LAMC1: variants seen among roughly 807,000 people sequenced by gnomAD.
LAMC1 encodes laminin subunit gamma 1.
A neutral mutation model predicts 173.6 loss-of-function variants in LAMC1; 38 were observed. The observed-to-expected ratio is 0.22, with a 90% CI of 0.17 to 0.29. The LOEUF (loss-of-function observed/expected upper bound fraction) is 0.29. Ranked by LOEUF, LAMC1 falls within the 10% of genes least tolerant of loss-of-function variation. The pLI, the probability that LAMC1 is intolerant of heterozygous loss-of-function variation, is 1.00. For synonymous variants in LAMC1, 746 were observed against 749.1 expected, an observed-to-expected ratio of 1.00 and a Z score of 0.07; for missense variants, 1,824 against 2,051.8, an observed-to-expected ratio of 0.89 and a Z score of 2.14.
intron 1 of LAMC1, among the ~76,000 whole-genome samples, chr1:183,087,201 G>A (rs1477770240): frequency 6.6e-6 from 1 of 152,104 alleles, no homozygotes; most frequent in Non-Finnish European, 1.5e-5. Flanking sequence ...GTAAATTTCA[G>A]GGTATGTTTG....
In LAMC1 at chr1:183,137,749, G is replaced by A; in HGVS notation, c.4395G>A (p.Leu1465=). 6.2e-7 allele frequency: 1 copy of A among 1,612,298 alleles called. No individual in the cohort carries two copies. The stretch of plus-strand genomic sequence containing the variant: ...TGGATAATGAGGTGAACAATATGTT[G>A]AAGCAACTGCAGGAAGCAGAAAAAG... ...TDLDNEVNNM[L]KQLQEAEKEL... is the part of the protein sequence containing the mutation. Residue 1465 remains leucine, a synonymous_variant, in exon 26 of 28, where the codon TTG becomes TTA. Transcript: ENST00000258341.
At chr1:183,083,693 A>G (rs575049553) in intron 1 of LAMC1, among the ~76,000 whole-genome samples, 21 of 152,358 alleles carry the variant, frequency 1.4e-4, no homozygotes, top group African/African-American at 4.8e-4. Flanking sequence ...TATATTTAAA[A>G]TATTTATTCA....
chr1:183,049,099 T>TA (rs1420256439), intron 1 of LAMC1, among the ~76,000 whole-genome samples: 4 of 152,216 alleles, frequency 2.6e-5, no homozygotes, highest in African/African-American at 9.6e-5. Context: ...TTCCCACTCT[T>TA]ATAGAAGAAA....
chr1:183,086,840 A>AG (rs2102055583), intron 1 of LAMC1, among the ~76,000 whole-genome samples: 1 of 152,346 alleles, frequency 6.6e-6, no homozygotes, highest in South Asian at 2.1e-4. Flanking sequence ...TCTTTGCAAA[A>AG]TCAGTTCCTG....
chr1:183,080,321 C>G lies in LAMC1; in HGVS notation c.419-23007C>G, dbSNP rs569899623. 9.8e-5 allele frequency among the ~76,000 whole-genome samples: 15 copies of G among 152,314 alleles called. No homozygotes were observed. In the South Asian group the frequency reaches 3.1e-3, roughly 32 times the overall value. ...AGTGCTGTTTAAGTTATCACAGTTT[C>G]TAGGCTGTGTCCTTCATCATTGATT... is the stretch of plus-strand genomic sequence containing the variant. On this transcript the variant is annotated intron_variant, in intron 1 of 27. Transcript: ENST00000258341.
rs779442083 is a variant in LAMC1, at chr1:183,122,154, C to A, written c.2304C>A (p.Ser768=). 1.2e-6 allele frequency: 2 copies of A among 1,614,066 alleles called. No homozygotes were observed. Among genetic ancestry groups the A allele is most frequent in the Non-Finnish European group, 1.7e-6 (2 of 1,180,034 alleles). Residue 768 remains serine (S), a synonymous_variant, in exon 13 of 28, where the codon TCC becomes TCA. Coordinates refer to ENST00000258341, the MANE Select transcript of LAMC1 (RefSeq NM_002293.4). ...GAGATTCAACTGCAGGCACCTCCTCCGATTGCCAACCCTGTCCGTGTCCTG... is the reference window on the plus strand; with the variant it reads ...GAGATTCAACTGCAGGCACCTCCTCAGATTGCCAACCCTGTCCGTGTCCTG... ...YYGDSTAGTS[S]DCQPCPCPGG...
At chr1:183,042,537 C>T (rs1226790625) in intron 1 of LAMC1, among the ~76,000 whole-genome samples, 1 of 152,124 alleles carries the variant, frequency 6.6e-6, no homozygotes, top group African/African-American at 2.4e-5. Context: ...TCTGCCATGC[C>T]AACTCCTGTG....
chr1:183,128,721 A>G lies in LAMC1; in HGVS notation c.3251A>G (p.Asp1084Gly). Reference protein sequence around the residue: ...RLKEAEREVMDLLREAQDVKD... With the variant: ...RLKEAEREVMGLLREAQDVKD... The stretch of plus-strand genomic sequence containing the variant: ...AAGGAAGCAGAGAGGGAAGTTATGG[A>G]CCTCCTTCGTGAGGCCCAGGATGTC... Residue 1084 changes from aspartate (D) to glycine (G), a missense_variant, in exon 18 of 28, where the codon GAC becomes GGC. Physicochemically the swap from Asp to Gly is moderately conservative, Grantham distance 94. Transcript: ENST00000258341. The G allele has an allele frequency of 6.2e-7, 1 of 1,612,406 alleles. No individual in the cohort carries two copies. Among genetic ancestry groups the G allele is most frequent in the Admixed American group, 1.7e-5 (1 of 59,946 alleles).
chr1:183,054,672 T>G lies in LAMC1; in HGVS notation c.418+30538T>G, dbSNP rs573471501. On this transcript the variant is annotated intron_variant, in intron 1 of 27. Transcript: ENST00000258341. ...CTTCTCAGCCTGAAGTTTACTTAGG[T>G]GAAAAACAGGACATTTTATTTCTTT... 1.6e-4 allele frequency among the ~76,000 whole-genome samples: 24 copies of G among 152,300 alleles called. 1 individual carries two copies. In the South Asian group the frequency reaches 5.0e-3, roughly 32 times the overall value.
At chr1:183,039,270 G>T (rs1181501910) in intron 1 of LAMC1, among the ~76,000 whole-genome samples, 5 of 149,492 alleles carry the variant, frequency 3.3e-5, no homozygotes. Flanking sequence ...TTGTGGTGGG[G>T]TCGGGGGAGG....
intron 11 of LAMC1, among the ~76,000 whole-genome samples, chr1:183,120,200 G>T (rs1571453833): frequency 1.3e-5 from 2 of 151,608 alleles, no homozygotes; most frequent in South Asian, 2.1e-4. Context: ...AGGTGGCGGG[G>T]TGGTGTTGAA....
rs183003771 is a variant in LAMC1, at chr1:183,128,210, C to A, written c.3124-384C>A. Reference sequence around the variant, plus strand: ...ATCAGAGAGCTGAGTGGAGGTATCACGAAGGTAATCTGACACTCAAGGGAG... The same window carrying A: ...ATCAGAGAGCTGAGTGGAGGTATCAAGAAGGTAATCTGACACTCAAGGGAG... On this transcript the variant is annotated intron_variant, in intron 17 of 27. Transcript: ENST00000258341. Among the ~76,000 whole-genome samples, 62 of 152,164 alleles carry A rather than the reference C, an allele frequency of 4.1e-4. 2 individuals are homozygous for A. Among genetic ancestry groups the A allele is most frequent in the Middle Eastern group, 3.4e-3 (1 of 294 alleles).
At chr1:183,125,837 C>T (rs962829687) in intron 15 of LAMC1, among the ~76,000 whole-genome samples, 1 of 152,144 alleles carries the variant, frequency 6.6e-6, no homozygotes, top group Non-Finnish European at 1.5e-5. Context: ...AGGGTTGCAG[C>T]CTGGGAACTT....
chr1:183,142,754 T>C lies in LAMC1; in HGVS notation c.4794T>C (p.Ser1598=). 6.2e-7 allele frequency: 1 copy of C among 1,613,830 alleles called. No homozygotes were observed. The highest frequency in any genetic ancestry group is 8.5e-7 in the Non-Finnish European group (1 of 1,179,834). The stretch of plus-strand genomic sequence containing the variant: ...AGGACATCAGGAAGACCTTACCATC[T>C]GGCTGCTTCAACACCCCGTCCATTG... The part of the protein sequence containing the change: ...NLEDIRKTLP[S]GCFNTPSIEK... The change falls in exon 28 of 28, where the codon TCT becomes TCC. Residue 1598 remains serine (S), a synonymous_variant. Coordinates refer to ENST00000258341, the MANE Select transcript of LAMC1 (RefSeq NM_002293.4).
intron 1 of LAMC1, among the ~76,000 whole-genome samples, chr1:183,100,685 C>G (rs937809019): frequency 3.3e-5 from 5 of 152,152 alleles, no homozygotes; most frequent in African/African-American, 7.2e-5. Context: ...ATGTACTTCC[C>G]CTGTCATGGA....
At chr1:183,135,355 T>C (rs1330019130) in intron 24 of LAMC1, among the ~76,000 whole-genome samples, 199 bp downstream of exon 24, 1 of 152,164 alleles carries the variant, frequency 6.6e-6, no homozygotes, top group Non-Finnish European at 1.5e-5. Context: ...TTAAAGATGT[T>C]TTCTTATTAG....
chr1:183,094,240 A>G (rs2102061928), intron 1 of LAMC1, among the ~76,000 whole-genome samples: 1 of 152,066 alleles, frequency 6.6e-6, no homozygotes, highest in Non-Finnish European at 1.5e-5. Context: ...TGCTCTTCCC[A>G]TTCCTGGAAT....
At position 183,086,973 on chromosome 1, in the gene LAMC1, G is replaced by C. The variant is rs531077756; in HGVS notation, c.419-16355G>C. Among the ~76,000 whole-genome samples, 5 of 152,280 alleles carry C rather than the reference G, an allele frequency of 3.3e-5. No homozygotes were observed. In the South Asian group the frequency reaches 8.3e-4, roughly 25 times the overall value. ...GGTAGAGTCAAGCTCTTTGGAGCTA[G>C]ATGTATACATTAAAGTTCATCTTGT... On this transcript the variant is annotated intron_variant, in intron 1 of 27. Coordinates refer to ENST00000258341, the MANE Select transcript of LAMC1 (RefSeq NM_002293.4).
chr1:183,142,728 G>A lies in LAMC1; in HGVS notation c.4768G>A (p.Glu1590Lys), dbSNP rs1657150264. 5 of 1,614,020 alleles carry A rather than the reference G, an allele frequency of 3.1e-6. No homozygotes were observed. The highest frequency in any genetic ancestry group is 4.2e-6 in the Non-Finnish European group (5 of 1,179,934). Residue 1590 changes from glutamate (E) to lysine (K), a missense_variant, in exon 28 of 28, where the codon GAG becomes AAG. Transcript: ENST00000258341. ...EEIMKDIRNL[E>K]DIRKTLPSGC... ...GATCATGAAGGACATTCGCAATCTG[G>A]AGGACATCAGGAAGACCTTACCATC...
Sources: gnomAD v4.1 joint callset for allele counts (sites outside exome capture counted in the v4.1 genomes callset) on GRCh38, gnomAD v4.1.1 for gene constraint, MANE v1.5 for transcripts, NCBI Gene and HGNC (gene_info 2026-07-23, HGNC 2026-07-21) for gene names.